Variants in WIZ observed in about 807,000 individuals in gnomAD.
WIZ encodes the protein protein Wiz.
A neutral mutation model predicts 140.2 loss-of-function variants in WIZ; 25 were observed. That is an observed-to-expected ratio of 0.18 (90% CI 0.13 to 0.25). WIZ has a LOEUF of 0.25. Ranked by LOEUF, WIZ falls within the 10% of genes least tolerant of loss-of-function variation. The probability of loss-of-function intolerance (pLI) is 1.00; values close to 1 mark genes in which losing one functional copy is unlikely to be tolerated. For synonymous variants in WIZ, 1,125 were observed against 1,154.3 expected, an observed-to-expected ratio of 0.97 and a Z score of 0.51; for missense variants, 2,231 against 2,632.6, an observed-to-expected ratio of 0.85 and a Z score of 3.34.
chr19:15,424,822 TTGG>T lies in WIZ; in HGVS notation c.5102_5104del (p.Thr1701del), dbSNP rs771032449. 2 of 1,609,274 alleles carry T rather than the reference TTGG, an allele frequency of 1.2e-6. No homozygotes were observed. The highest frequency in any genetic ancestry group is 8.5e-7 in the Non-Finnish European group (1 of 1,178,684). Reference sequence around the variant, plus strand: ...GCCATGGCCGGCACTGCGGAACTTCTTGGTGAAGGGGCGGCCGCCCTGGATGTA... The same window carrying T: ...GCCATGGCCGGCACTGCGGAACTTCTTGAAGGGGCGGCCGCCCTGGATGTA... On this transcript the variant is annotated inframe_deletion, in exon 11 of 13. Coordinates refer to ENST00000673675, the MANE Select transcript of WIZ (RefSeq NM_001371589.1). The surrounding 1 kb of genome is among the most constrained non-coding windows in gnomAD (Gnocchi z 9.7).
Position 15,427,291 on chromosome 19 carries a change from C to A in WIZ, c.4057G>T (p.Gly1353Cys). The change falls in exon 9 of 13, where the codon GGC becomes TGC. Residue 1353 changes from glycine to cysteine, a missense_variant. By Grantham distance (159) the Gly-to-Cys change is radical. This residue lies in a region of WIZ where 393 missense variants were observed against 451.7 expected (regional missense o/e 0.87). Transcript: ENST00000673675. The surrounding 1 kb of genome is among the most constrained non-coding windows in gnomAD (Gnocchi z 6.4). ...AGTGAGCTGCCAGGACCTGCGCCGC[C>A]CATCATCTTGGCCAGGGCTTTTGGG... ...PSPKALAKMM[G>C]GAGPGSSLEA... 1.2e-6 allele frequency: 2 copies of A among 1,613,716 alleles called. No homozygotes were observed. The highest frequency in any genetic ancestry group is 1.7e-6 in the Non-Finnish European group (2 of 1,179,908).
chr19:15,448,060 T>C, intron 2 of WIZ, 43 bp downstream of exon 2: 1 of 1,605,256 alleles, frequency 6.2e-7, no homozygotes, highest in Non-Finnish European at 8.5e-7. Flanking sequence ...CCTTGGGGAA[T>C]GGGCTGGATG....
rs1466741979 is a variant in WIZ, at chr19:15,439,692, C to T, written c.1302G>A (p.Glu434=). 1 of 1,500,026 alleles carries T rather than the reference C, an allele frequency of 6.7e-7. No homozygotes were observed. Among genetic ancestry groups the T allele is most frequent in the South Asian group, 1.3e-5 (1 of 79,432 alleles). 92.9% of individuals were successfully genotyped at this position (1,500,026 alleles called of 1,614,324 possible). A position where few individuals can be genotyped will look rare whatever the true frequency, so the allele number is the denominator to read the frequency against. Residue 434 remains glutamate (E), a synonymous_variant, in exon 4 of 13, where the codon GAG becomes GAA. Transcript: ENST00000673675. This position sits in a 1 kb window ranked among gnomAD's most constrained non-coding sequence, Gnocchi z 7.0. Reference sequence around the variant, plus strand: ...CAGCCCCGCTGCTGCCTCCAAAAGGCTCTTTGGTGGTCTGGCCTGGGGGCT... The same window carrying T: ...CAGCCCCGCTGCTGCCTCCAAAAGGTTCTTTGGTGGTCTGGCCTGGGGGCT... The part of the protein sequence containing the change: ...MREPPGQTTK[E]PFGGSSGAGS...
chr19:15,424,795 C>A lies in WIZ; in HGVS notation c.5132G>T (p.Arg1711Leu). Reference sequence around the variant, plus strand: ...CAGGGACGGCCGCTTGTCACTGTCACGGCCATGGCCGGCACTGCGGAACTT... The same window carrying A: ...CAGGGACGGCCGCTTGTCACTGTCAAGGCCATGGCCGGCACTGCGGAACTT... ...TKKFRSAGHG[R>L]DSDKRPSLGL... Residue 1711 changes from arginine (R) to leucine (L), a missense_variant, in exon 11 of 13, where the codon CGT becomes CTT. This residue lies in a region of WIZ where 299 missense variants were observed against 309.6 expected (regional missense o/e 0.97). Transcript: ENST00000673675. The surrounding 1 kb of genome is among the most constrained non-coding windows in gnomAD (Gnocchi z 9.7). 1 of 1,600,836 alleles carries A rather than the reference C, an allele frequency of 6.2e-7. No homozygotes were observed. The highest frequency in any genetic ancestry group is 8.5e-7 in the Non-Finnish European group (1 of 1,174,848).
At position 15,440,205 on chromosome 19, in the gene WIZ, T is replaced by C. The variant is rs1270661214; in HGVS notation, c.789A>G (p.Thr263=). 6.6e-7 allele frequency: 1 copy of C among 1,525,270 alleles called. No individual in the cohort carries two copies. The highest frequency in any genetic ancestry group is 2.1e-5 in the Admixed American group (1 of 48,766). 94.5% of individuals were successfully genotyped at this position (1,525,270 alleles called of 1,614,324 possible). Residue 263 remains threonine (T), a synonymous_variant, in exon 4 of 13, where the codon ACA becomes ACG. Coordinates refer to ENST00000673675, the MANE Select transcript of WIZ (RefSeq NM_001371589.1). This position sits in a 1 kb window ranked among gnomAD's most constrained non-coding sequence, Gnocchi z 6.2. ...CCTCCGAGTTCACTGTCCAGGTCTGTGTGGCTACCTCCGAGGCTGACGTGG... is the reference window on the plus strand; with the variant it reads ...CCTCCGAGTTCACTGTCCAGGTCTGCGTGGCTACCTCCGAGGCTGACGTGG... ...GLPTSASEVA[T]QTWTVNSEAS...
In WIZ at chr19:15,439,957, G is replaced by C; in HGVS notation, c.1037C>G (p.Pro346Arg). ...QHRRAPGQEP[P>R]ADLAPLACGE... ...GCAGGCCAGCGGGGCCAGGTCCGCAGGGGGCTCCTGGCCCGGGGCTCGGCG... is the reference window on the plus strand; with the variant it reads ...GCAGGCCAGCGGGGCCAGGTCCGCACGGGGCTCCTGGCCCGGGGCTCGGCG... The change falls in exon 4 of 13, where the codon CCT becomes CGT. Residue 346 changes from proline (P) to arginine (R), a missense_variant. Physicochemically the swap from Pro to Arg is moderately radical, Grantham distance 103. Transcript: ENST00000673675. The surrounding 1 kb of genome is among the most constrained non-coding windows in gnomAD (Gnocchi z 7.0). The C allele has an allele frequency of 6.5e-7, 1 of 1,535,554 alleles. No individual in the cohort carries two copies. The highest frequency in any genetic ancestry group is 2.4e-5 in the East Asian group (1 of 40,872).
Position 15,428,470 on chromosome 19 carries a change from G to T in WIZ, c.3454C>A (p.Leu1152Met). ...CGGGTCTCAAACCAGGCACCGCACAGCTGGCAGTCCAGCTCTCTGCCCCCG... is the reference window on the plus strand; with the variant it reads ...CGGGTCTCAAACCAGGCACCGCACATCTGGCAGTCCAGCTCTCTGCCCCCG... ...SDGGRELDCQ[L>M]CGAWFETRKG... The change falls in exon 8 of 13, where the codon CTG becomes ATG. Residue 1152 changes from leucine to methionine, a missense_variant. Leu to Met is a conservative substitution (Grantham distance 15). This residue lies in a region of WIZ where 39 missense variants were observed against 74.9 expected (regional missense o/e 0.52). Transcript: ENST00000673675. This position sits in a 1 kb window ranked among gnomAD's most constrained non-coding sequence, Gnocchi z 6.4. 1 of 1,535,612 alleles carries T rather than the reference G, an allele frequency of 6.5e-7. No individual in the cohort carries two copies. Among genetic ancestry groups the T allele is most frequent in the Non-Finnish European group, 8.7e-7 (1 of 1,146,818 alleles).
At chr19:15,448,504 T>C (rs1348035299) in intron 1 of WIZ, 137 bp from the exon 2 acceptor site, 1 of 662,806 alleles carries the variant, frequency 1.5e-6, no homozygotes, top group Admixed American at 3.0e-5. Flanking sequence ...GAGCTAATGG[T>C]GTTCAGACCT....
rs1157367810 is a variant in WIZ at position 15,428,505 on chromosome 19, A to G, written c.3419T>C (p.Leu1140Ser). ...SEDEGPLNLT[L>S]DSDGGRELDC... ...CAGCTCTCTGCCCCCGTCACTATCT[A>G]AAGCTGCGGAGACAAAACACAGGGG... Residue 1140 changes from leucine (L) to serine (S), a missense_variant, in exon 8 of 13, where the codon TTA (leucine) becomes TCA (serine). Leu to Ser is a moderately radical substitution (Grantham distance 145). Transcript: ENST00000673675. This position sits in a 1 kb window ranked among gnomAD's most constrained non-coding sequence, Gnocchi z 6.4. 2 of 1,535,090 alleles carry G rather than the reference A, an allele frequency of 1.3e-6. No individual in the cohort carries two copies. Among genetic ancestry groups the G allele is most frequent in the African/African-American group, 2.7e-5 (2 of 73,034 alleles).
intron 5 of WIZ, among the ~76,000 whole-genome samples, chr19:15,435,213 G>C (rs1452792147): frequency 6.6e-6 from 1 of 151,922 alleles, no homozygotes; most frequent in Non-Finnish European, 1.5e-5. Context: ...GTGAGACTCT[G>C]CCTCAAACCA....
chr19:15,448,527 T>C (rs1007001026), intron 1 of WIZ, among the ~76,000 whole-genome samples, 160 bp from the exon 2 acceptor site: 4 of 151,980 alleles, frequency 2.6e-5, no homozygotes, highest in African/African-American at 9.7e-5. Context: ...TCCACACACC[T>C]TCTATCCCAA....
At chr19:15,430,932 T>C (rs1292694519) in intron 6 of WIZ, 80 bp downstream of exon 6, 1 of 1,423,532 alleles carries the variant, frequency 7.0e-7, no homozygotes, top group Admixed American at 2.7e-5. Context: ...GGCCCCACAT[T>C]AACCCCAAGG....
In WIZ at chr19:15,425,746, G is replaced by A. The variant is rs183431827; in HGVS notation, c.4389C>T (p.Arg1463=). The A allele has an allele frequency of 3.4e-5, 55 of 1,599,880 alleles. No individual in the cohort carries two copies. The highest frequency in any genetic ancestry group is 1.3e-4 in the South Asian group (12 of 90,076). Residue 1463 remains arginine, a synonymous_variant, in exon 10 of 13, where the codon CGC becomes CGT. Coordinates refer to ENST00000673675, the MANE Select transcript of WIZ (RefSeq NM_001371589.1). ...CGCCGCAGAACTCACAGCGGATGTC[G>A]CGCACCGGCTCTGCCCGGGACGCTG... is the stretch of plus-strand genomic sequence containing the variant. The part of the protein sequence containing the change: ...LNLSSRAEPV[R]DIRCEFCGEF...
intron 5 of WIZ, among the ~76,000 whole-genome samples, chr19:15,432,713 C>T (rs1219706263): frequency 6.6e-6 from 1 of 150,634 alleles, no homozygotes; most frequent in Non-Finnish European, 1.5e-5. Flanking sequence ...ATCTTGGCTC[C>T]GGCGCACGCG....
In WIZ at chr19:15,429,977, G is replaced by A; in HGVS notation, c.3024C>T (p.Ser1008=). The A allele has an allele frequency of 6.5e-7, 1 of 1,536,032 alleles. No individual in the cohort carries two copies. Among genetic ancestry groups the A allele is most frequent in the Non-Finnish European group, 8.7e-7 (1 of 1,146,838 alleles). The change falls in exon 7 of 13, where the codon AGC becomes AGT. Residue 1008 remains serine (S), a synonymous_variant. Transcript: ENST00000673675. The stretch of plus-strand genomic sequence containing the variant: ...AGAGGAGGTCGATGGGTGCGCCGCT[G>A]CTTTCCGACTCTGCCACTCCCAGCT... ...LRQLGVAESE[S]SGAPIDLLYE...
At chr19:15,444,582 C>T (rs1463026674) in intron 2 of WIZ, among the ~76,000 whole-genome samples, 1 of 152,134 alleles carries the variant, frequency 6.6e-6, no homozygotes, top group Non-Finnish European at 1.5e-5. Flanking sequence ...GCGAATCACC[C>T]CCATTTGAGA....
chr19:15,423,097 T>C lies in WIZ; in HGVS notation c.5649A>G (p.Thr1883=), dbSNP rs1968473392. 1 of 1,611,974 alleles carries C rather than the reference T, an allele frequency of 6.2e-7. No homozygotes were observed. The highest frequency in any genetic ancestry group is 1.7e-5 in the Admixed American group (1 of 59,986). Residue 1883 remains threonine, a synonymous_variant, in exon 13 of 13, where the codon ACA becomes ACG. Coordinates refer to ENST00000673675, the MANE Select transcript of WIZ (RefSeq NM_001371589.1). The part of the protein sequence containing the change: ...PEESQAPQAQ[T]AAAEAP Reference sequence around the variant, plus strand: ...TGTGTTAGGGAGCCTCTGCCGCCGCTGTCTGTGCCTGCGGGGCCTGGGACT... The same window carrying C: ...TGTGTTAGGGAGCCTCTGCCGCCGCCGTCTGTGCCTGCGGGGCCTGGGACT...
rs1968554842 is a variant in WIZ, at chr19:15,424,166, C to T, written c.5510+17G>A. 3 of 1,491,540 alleles carry T rather than the reference C, an allele frequency of 2.0e-6. No individual in the cohort carries two copies. The East Asian group carries it at 7.6e-5, about 38-fold the overall frequency. The allele number at this position is 1,491,540 out of a possible 1,614,324, so 92.4% of individuals were successfully genotyped here. A position where few individuals can be genotyped will look rare whatever the true frequency, so the allele number is the denominator to read the frequency against. ...TCCACTCAGGTGGTCTCCCTCCCTCCCCCAGGGGCAGCCTACCTGCATTTG... is the reference window on the plus strand; with the variant it reads ...TCCACTCAGGTGGTCTCCCTCCCTCTCCCAGGGGCAGCCTACCTGCATTTG... On this transcript the variant is annotated intron_variant, in intron 12 of 12. Coordinates refer to ENST00000673675, the MANE Select transcript of WIZ (RefSeq NM_001371589.1). This position sits in a 1 kb window ranked among gnomAD's most constrained non-coding sequence, Gnocchi z 9.7.
In WIZ at chr19:15,442,449, C is replaced by T. The variant is rs1969778469; in HGVS notation, c.278+227G>A. Among the ~76,000 whole-genome samples the T allele has an allele frequency of 1.3e-5, 2 of 152,210 alleles. No homozygotes were observed. The highest frequency in any genetic ancestry group is 4.8e-5 in the African/African-American group (2 of 41,448). On this transcript the variant is annotated intron_variant, in intron 3 of 12. Coordinates refer to ENST00000673675, the MANE Select transcript of WIZ (RefSeq NM_001371589.1). This position sits in a 1 kb window ranked among gnomAD's most constrained non-coding sequence, Gnocchi z 5.5. ...CATCCAGGCTCCTGCCCCTCTGGCC[C>T]TGCTCCTGGCAGGGATAATGAGAGT...
Sources: gnomAD v4.1 joint callset for allele counts (sites outside exome capture counted in the v4.1 genomes callset) on GRCh38, gnomAD v4.1.1 for gene constraint, gnomAD v4.1.1 regional missense constraint, Gnocchi (gnomAD v3.1) non-coding constraint, MANE v1.5 for transcripts, NCBI Gene and HGNC (gene_info 2026-07-23, HGNC 2026-07-21) for gene names.